Variants in TDRD12 observed in about 807,000 individuals in gnomAD.
The protein encoded by TDRD12 is putative ATP-dependent RNA helicase TDRD12.
TDRD12 carries 158 observed loss-of-function variants against 133.5 expected under a neutral mutation model. That is an observed-to-expected ratio of 1.18 (90% confidence interval 1.04 to 1.35). TDRD12 has a LOEUF of 1.35. TDRD12 is among the 40% of genes most tolerant of loss of function. The pLI, the probability that TDRD12 is intolerant of heterozygous loss-of-function variation, is 0.00. For missense variants in TDRD12, 1,443 were observed against 1,321.3 expected (o/e 1.09, Z -1.43); for synonymous variants, 460 against 477.9 (o/e 0.96, Z 0.49).
chr19:32,781,025 C>G (rs979980221), intron 11 of TDRD12, among the ~76,000 whole-genome samples: 57 of 150,588 alleles, frequency 3.8e-4, no homozygotes, highest in Admixed American at 3.7e-3. Flanking sequence ...TCACTGCAAG[C>G]TCCACCTCCT....
chr19:32,748,432 C>T (rs1044370980), intron 4 of TDRD12, 44 bp from the exon 5 acceptor site: 1 of 1,538,032 alleles, frequency 6.5e-7, no homozygotes, highest in Non-Finnish European at 8.8e-7. Flanking sequence ...GTGTGCTAGC[C>T]TCAGATTTTT....
intron 22 of TDRD12, among the ~76,000 whole-genome samples, chr19:32,808,967 T>C (rs533712050): frequency 6.6e-6 from 1 of 152,210 alleles, no homozygotes; most frequent in African/African-American, 2.4e-5. Context: ...TTATACATTT[T>C]GTTATTTTAT....
At chr19:32,744,514 A>C (rs866690339) in intron 4 of TDRD12, among the ~76,000 whole-genome samples, 7 of 150,716 alleles carry the variant, frequency 4.6e-5, no homozygotes, top group Middle Eastern at 6.9e-3. Context: ...AAAAAAAAAA[A>C]AAAAAAAAAA....
chr19:32,776,300 C>T (rs1043600868), intron 10 of TDRD12, among the ~76,000 whole-genome samples: 3 of 152,190 alleles, frequency 2.0e-5, no homozygotes, highest in Admixed American at 6.5e-5. Context: ...AGTCTTTGGA[C>T]CACAGCTCCC....
At chr19:32,751,948 A>C (rs904292643) in intron 6 of TDRD12, among the ~76,000 whole-genome samples, 1 of 152,020 alleles carries the variant, frequency 6.6e-6, no homozygotes, top group African/African-American at 2.4e-5. Flanking sequence ...ATCTCAGCTC[A>C]CTGCAACCTC....
chr19:32,800,056 C>T, intron 16 of TDRD12, 111 bp from the exon 17 acceptor site: 3 of 706,106 alleles, frequency 4.2e-6, no homozygotes, highest in Non-Finnish European at 6.7e-6. Context: ...TTTTGAAAGA[C>T]TTTCTCCACT....
chr19:32,744,464 C>G (rs1365837359), intron 4 of TDRD12, among the ~76,000 whole-genome samples: 4 of 130,142 alleles, frequency 3.1e-5, no homozygotes, highest in Non-Finnish European at 4.6e-5. Context: ...TGCGCCACTG[C>G]ACTCCAACCT....
intron 3 of TDRD12, among the ~76,000 whole-genome samples, chr19:32,741,358 A>C (rs1969420463): frequency 6.6e-6 from 1 of 152,230 alleles, no homozygotes; most frequent in Non-Finnish European, 1.5e-5. Flanking sequence ...CTGGGATTAC[A>C]GGCGTGAGCC....
chr19:32,758,581 T>C, intron 8 of TDRD12, among the ~76,000 whole-genome samples: 1 of 152,154 alleles, frequency 6.6e-6, no homozygotes, highest in East Asian at 1.9e-4. Flanking sequence ...TGACTGCCTT[T>C]TGCTGCTATC....
chr19:32,768,146 A>G (rs1486303355), intron 8 of TDRD12, among the ~76,000 whole-genome samples: 1 of 152,052 alleles, frequency 6.6e-6, no homozygotes, highest in African/African-American at 2.4e-5. Flanking sequence ...CAATCCCACA[A>G]AGCCTGCAGT....
At chr19:32,733,155 C>A (rs1969110865) in intron 2 of TDRD12, among the ~76,000 whole-genome samples, 1 of 151,972 alleles carries the variant, frequency 6.6e-6, no homozygotes, top group South Asian at 2.1e-4. Context: ...CTGGGCGAGA[C>A]AGCGAGACTG....
At chr19:32,810,098 A>G in exon 23 of TDRD12, 2 of 1,517,258 alleles carry the variant, frequency 1.3e-6, no homozygotes, top group Non-Finnish European at 1.8e-6. Context: ...TTCAGATAAT[A>G]CCTTTTTATA....
At chr19:32,731,871 GGAA>G (rs777317686) in exon 2 of TDRD12, 70 of 1,545,466 alleles carry the variant, frequency 4.5e-5, no homozygotes, top group Non-Finnish European at 2.0e-5. Context: ...CCTTAACATT[GGAA>G]GAAGGACAGG....
At chr19:32,821,160 A>G (rs1568499433) in exon 28 of TDRD12, 1 of 1,519,840 alleles carries the variant, frequency 6.6e-7, no homozygotes, top group Admixed American at 2.0e-5. Flanking sequence ...GGTATTCAAA[A>G]GATGGTTAAG....
chr19:32,741,394 T>C (rs538792167), intron 3 of TDRD12, among the ~76,000 whole-genome samples: 61 of 152,196 alleles, frequency 4.0e-4, no homozygotes, highest in Non-Finnish European at 8.5e-4. Flanking sequence ...AGGTGTCTAT[T>C]GAATAGAAGA....
Position 32,811,211 on chromosome 19 carries a change from G to GT in TDRD12, c.2841dup (p.Gln948SerfsTer16). On this transcript the variant is annotated frameshift_variant and splice_region_variant, in exon 24 of 28. Transcript: ENST00000444215. LOFTEE classifies it high-confidence loss of function. ...AACCGATGCCCCATTGCTCTCCAGG[G>GT]TTCAGGTGTTGGAAGTGAACCAAAA... The GT allele has an allele frequency of 6.5e-7, 1 of 1,535,756 alleles. No homozygotes were observed. Among genetic ancestry groups the GT allele is most frequent in the Non-Finnish European group, 8.7e-7 (1 of 1,146,654 alleles).
At chr19:32,742,667 G>GT in intron 3 of TDRD12, 114 bp from the exon 4 acceptor site, 2 of 1,151,308 alleles carry the variant, frequency 1.7e-6, no homozygotes, top group East Asian at 2.6e-5. Context: ...AGAAAGAATT[G>GT]TTTTTTGTGT....
chr19:32,797,523 G>A (rs1971265723), intron 14 of TDRD12, among the ~76,000 whole-genome samples: 1 of 152,210 alleles, frequency 6.6e-6, no homozygotes, highest in African/African-American at 2.4e-5. Flanking sequence ...ATGCATACGT[G>A]TGAAGTGCTT....
intron 8 of TDRD12, among the ~76,000 whole-genome samples, chr19:32,770,625 G>C (rs1349992746): frequency 6.6e-6 from 1 of 151,998 alleles, no homozygotes; most frequent in Non-Finnish European, 1.5e-5. Context: ...AAGTTCTTTG[G>C]AGTGGAATTG....
Sources: allele counts gnomAD v4.1 joint callset (sites outside exome capture counted in the v4.1 genomes callset), GRCh38; gene constraint gnomAD v4.1.1; transcripts MANE v1.5; gene names NCBI Gene and HGNC (gene_info 2026-07-23, HGNC 2026-07-21).